The following NAALADL2 variants were observed in gnomAD, a reference collection of about 807,000 sequenced individuals.
NAALADL2 encodes the protein inactive N-acetylated-alpha-linked acidic dipeptidase-like protein 2.
A neutral mutation model predicts 87.2 loss-of-function variants in NAALADL2; 76 were observed. The ratio of observed to expected loss-of-function variants is 0.87; its 90% CI spans 0.72 to 1.05. The LOEUF (loss-of-function observed/expected upper bound fraction) is 1.05, where lower values mean the gene tolerates loss of function less well. NAALADL2 is among the 50% of genes least tolerant of loss of function. The pLI is 0.00. For synonymous variants in NAALADL2, 354 were observed against 331.0 expected, an observed-to-expected ratio of 1.07 and a Z score of -0.75; for missense variants, 1,089 against 945.8, an observed-to-expected ratio of 1.15 and a Z score of -1.99.
chr3:174,865,766 C>A (rs1260858508), intron 1 of NAALADL2, among the ~76,000 whole-genome samples: 2 of 151,750 alleles, frequency 1.3e-5, no homozygotes, highest in Non-Finnish European at 2.9e-5. Context: ...ATTTCCTTGG[C>A]AGTTTGATAA....
chr3:175,477,977 T>G (rs1725941935), intron 9 of NAALADL2, among the ~76,000 whole-genome samples: 1 of 152,066 alleles, frequency 6.6e-6, no homozygotes, highest in Non-Finnish European at 1.5e-5. Flanking sequence ...GTCTTCTCAC[T>G]CCGCTCTTGA....
At chr3:174,969,126 A>G (rs1743267797) in intron 1 of NAALADL2, among the ~76,000 whole-genome samples, 1 of 152,134 alleles carries the variant, frequency 6.6e-6, no homozygotes, top group South Asian at 2.1e-4. Context: ...TCTTTTTATT[A>G]TGCTACTTTG....
At chr3:175,643,312 A>G (rs1001467439) in intron 11 of NAALADL2, among the ~76,000 whole-genome samples, 1 of 152,216 alleles carries the variant, frequency 6.6e-6, no homozygotes, top group African/African-American at 2.4e-5. Context: ...AACGATTAAG[A>G]GTATTCTTGT....
At chr3:174,777,897 A>C (rs1341319163) in intron 3 of NAALADL2, among the ~76,000 whole-genome samples, 1 of 152,068 alleles carries the variant, frequency 6.6e-6, no homozygotes, top group Non-Finnish European at 1.5e-5. Context: ...TGGCAACTAT[A>C]AGGAAAATCA....
chr3:174,994,104 T>C (rs1043722605), intron 1 of NAALADL2, among the ~76,000 whole-genome samples: 3 of 152,326 alleles, frequency 2.0e-5, no homozygotes, highest in Middle Eastern at 3.4e-3. Context: ...AGCTTCTGGA[T>C]AGACATGAAT....
intron 1 of NAALADL2, among the ~76,000 whole-genome samples, chr3:174,960,858 T>C (rs891112078): frequency 5.3e-5 from 8 of 151,692 alleles, no homozygotes; most frequent in African/African-American, 1.7e-4. Context: ...GTTTCATAAG[T>C]ATGCATTTTA....
intron 13 of NAALADL2, among the ~76,000 whole-genome samples, chr3:175,772,670 G>A (rs1378538890): frequency 6.6e-6 from 1 of 152,176 alleles, no homozygotes; most frequent in Non-Finnish European, 1.5e-5. Context: ...TGATCTCAGA[G>A]ACATCAGTTA....
intron 10 of NAALADL2, among the ~76,000 whole-genome samples, chr3:175,624,895 G>A (rs1217213622): frequency 6.6e-6 from 1 of 151,986 alleles, no homozygotes; most frequent in Non-Finnish European, 1.5e-5. Context: ...TGTTTAGGAA[G>A]CACAGACACA....
chr3:175,054,478 C>A (rs935861316), intron 1 of NAALADL2, among the ~76,000 whole-genome samples: 16 of 152,208 alleles, frequency 1.1e-4, no homozygotes, highest in African/African-American at 3.9e-4. Context: ...AGTTAACATT[C>A]TCCATTTACC....
chr3:175,135,657 A>C (rs12639060), intron 2 of NAALADL2, among the ~76,000 whole-genome samples: 51,754 of 152,064 alleles, frequency 0.34, 8,872 homozygotes, highest in South Asian at 0.39. Context: ...AGTGCAGATC[A>C]TGAAGATAAT....
chr3:174,759,662 A>G (rs981364411), intron 3 of NAALADL2, among the ~76,000 whole-genome samples: 5 of 152,136 alleles, frequency 3.3e-5, no homozygotes, highest in African/African-American at 1.2e-4. Context: ...AAATCTACTA[A>G]CATGTTTCTT....
rs376527131 is a variant in NAALADL2 at position 175,611,386 on chromosome 3, A to C, written c.1801-15905A>C. ...TTGGTCATAAATTTTGTTAAAAGAA[A>C]CAGTTTTTCTATTTTTTTTCCAACT... On this transcript the variant is annotated intron_variant, in intron 10 of 13. Coordinates refer to ENST00000454872, the MANE Select transcript of NAALADL2 (RefSeq NM_207015.3). Among the ~76,000 whole-genome samples the C allele has an allele frequency of 3.9e-5, 6 of 152,254 alleles. No individual in the cohort carries two copies. The East Asian group carries it at 7.7e-4, about 20-fold the overall frequency.
chr3:175,266,360 A>C (rs1751933470), intron 4 of NAALADL2, among the ~76,000 whole-genome samples: 1 of 151,556 alleles, frequency 6.6e-6, no homozygotes, highest in Non-Finnish European at 1.5e-5. Context: ...TTTTATTAAA[A>C]AATTAGGAAA....
intron 2 of NAALADL2, among the ~76,000 whole-genome samples, chr3:174,588,721 T>G (rs1717010948): frequency 2.0e-5 from 3 of 152,202 alleles, no homozygotes; most frequent in Non-Finnish European, 4.4e-5. Flanking sequence ...TGTTGCTTCC[T>G]GATCCTTCCT....
rs1316294137 is a variant in NAALADL2 at position 175,739,112 on chromosome 3, A to ATTT, written c.1990+1713_1990+1714insTTT. On this transcript the variant is annotated intron_variant, in intron 12 of 13. Transcript: ENST00000454872. ...GCAATAACTATCATGCATGAAAAGA[A>ATTT]GCCCCAAAGAGTATACTGCAAAATG... Among the ~76,000 whole-genome samples the ATTT allele has an allele frequency of 1.5e-3, 227 of 152,342 alleles. 1 individual carries two copies. Among genetic ancestry groups the ATTT allele is most frequent in the African/African-American group, 5.2e-3 (217 of 41,580 alleles).
At chr3:175,452,654 CA>C (rs1307786256) in intron 6 of NAALADL2, among the ~76,000 whole-genome samples, 1 of 152,082 alleles carries the variant, frequency 6.6e-6, no homozygotes, top group Non-Finnish European at 1.5e-5. Flanking sequence ...AATGCCAGAT[CA>C]ACTGTCTTCA....
chr3:174,516,450 T>C (rs1218925255), intron 1 of NAALADL2, among the ~76,000 whole-genome samples: 3 of 152,048 alleles, frequency 2.0e-5, no homozygotes, highest in Non-Finnish European at 4.4e-5. Flanking sequence ...TTGTAGACGT[T>C]CCACTTCTGC....
intron 3 of NAALADL2, among the ~76,000 whole-genome samples, chr3:174,832,622 C>T (rs968089427): frequency 3.9e-5 from 6 of 152,090 alleles, no homozygotes; most frequent in Admixed American, 1.3e-4. Flanking sequence ...CCACCACATC[C>T]GGCTAATTTT....
At chr3:175,260,637 T>G (rs1290792274) in intron 4 of NAALADL2, among the ~76,000 whole-genome samples, 1 of 152,132 alleles carries the variant, frequency 6.6e-6, no homozygotes, top group Non-Finnish European at 1.5e-5. Context: ...AATCAACAGT[T>G]AGTCATGATT....
Sources: allele counts gnomAD v4.1 joint callset (sites outside exome capture counted in the v4.1 genomes callset), GRCh38; gene constraint gnomAD v4.1.1; transcripts MANE v1.5; gene names NCBI Gene and HGNC (gene_info 2026-07-23, HGNC 2026-07-21).